KIF19: variants seen among roughly 807,000 people sequenced by gnomAD.
KIF19 encodes the protein kinesin-like protein KIF19.
KIF19 carries 98 observed loss-of-function variants against 106.6 expected under a neutral mutation model. The observed-to-expected ratio is 0.92, with a 90% CI of 0.78 to 1.09. The LOEUF (loss-of-function observed/expected upper bound fraction) is 1.09, where lower values mean the gene tolerates loss of function less well. Ranked by LOEUF, KIF19 falls within the 50% of genes least tolerant of loss-of-function variation. The pLI is 0.00. For synonymous variants in KIF19, 516 were observed against 584.2 expected (o/e 0.88, Z 1.68); for missense variants, 1,373 against 1,414.3 (o/e 0.97, Z 0.47).
At chr17:74,326,774 T>C (rs940257898) in intron 1 of KIF19, among the ~76,000 whole-genome samples, 4 of 152,116 alleles carry the variant, frequency 2.6e-5, no homozygotes, top group Admixed American at 2.6e-4. Flanking sequence ...CAGAGGCTGC[T>C]CCAGCCCTGG....
chr17:74,349,355 C>T lies in KIF19; in HGVS notation c.1213+6C>T. ...TGACATCCGCCACATCCAAGGTGCG[C>T]CTGTGGGTCTGTGTGAGTGGCAGCC... is the stretch of plus-strand genomic sequence containing the variant. On this transcript the variant is annotated splice_donor_region_variant and intron_variant, in intron 10 of 19. Transcript: ENST00000389916. 1 of 1,590,982 alleles carries T rather than the reference C, an allele frequency of 6.3e-7. No individual in the cohort carries two copies. Among genetic ancestry groups the T allele is most frequent in the Non-Finnish European group, 8.6e-7 (1 of 1,168,942 alleles).
At chr17:74,329,156 T>C (rs1398418507) in intron 2 of KIF19, 2 of 152,174 alleles carry the variant, frequency 1.3e-5, no homozygotes, top group Non-Finnish European at 1.5e-5. Context: ...GGATAAGACC[T>C]AAACCTGGAG....
At chr17:74,337,564 G>A (rs2054253507) in intron 2 of KIF19, among the ~76,000 whole-genome samples, 2 of 152,190 alleles carry the variant, frequency 1.3e-5, no homozygotes. Context: ...TCATGTAATA[G>A]TCCGAAATTC....
chr17:74,354,164 A>G lies in KIF19; in HGVS notation c.2311A>G (p.Arg771Gly), dbSNP rs756059201. 9 of 1,604,826 alleles carry G rather than the reference A, an allele frequency of 5.6e-6. No homozygotes were observed. The Admixed American group carries it at 1.4e-4, about 24-fold the overall frequency. ...LSEIPLSHKERKEILTGTKCI... is the reference protein window; with the variant it reads ...LSEIPLSHKEGKEILTGTKCI... ...ATGTTCCCCGTGTCCCGCTGCAGAG[A>G]GGAAGGAGATCCTGACTGGCACCAA... Residue 771 changes from arginine (R) to glycine (G), a missense_variant and splice_region_variant, in exon 18 of 20, where the codon AGG becomes GGG. Physicochemically the swap from Arg to Gly is moderately radical, Grantham distance 125. Transcript: ENST00000389916.
chr17:74,345,948 G>A (rs2054519328), intron 7 of KIF19, among the ~76,000 whole-genome samples: 1 of 152,162 alleles, frequency 6.6e-6, no homozygotes, highest in African/African-American at 2.4e-5. Context: ...TGCTCCTGCA[G>A]GCCCAAGAAA....
At position 74,355,631 on chromosome 17, in the gene KIF19, G is replaced by A. The variant is rs991691073; in HGVS notation, c.*319G>A. 1 of 223,754 alleles carries A rather than the reference G, an allele frequency of 4.5e-6. No homozygotes were observed. Among genetic ancestry groups the A allele is most frequent in the Admixed American group, 5.7e-5 (1 of 17,538 alleles). The allele number at this position is 223,754 out of a possible 1,614,324, so 13.9% of individuals were successfully genotyped here. A position where few individuals can be genotyped will look rare whatever the true frequency, so the allele number is the denominator to read the frequency against. On this transcript the variant is annotated 3_prime_UTR_variant, in exon 20 of 20. Transcript: ENST00000389916. ...TCGGCCTTGGTAACGGAGGAAAGCA[G>A]CTGACAGTGAGACGGGGCTCCTGGC...
intron 11 of KIF19, 34 bp from the exon 12 acceptor site, chr17:74,350,673 G>C: frequency 6.2e-7 from 1 of 1,612,650 alleles, no homozygotes; most frequent in Non-Finnish European, 8.5e-7. Flanking sequence ...CCCATGGCCT[G>C]AATGCCCTGT....
intron 3 of KIF19, 73 bp downstream of exon 3, chr17:74,342,059 C>G: frequency 3.1e-5 from 34 of 1,095,940 alleles, no homozygotes; most frequent in Middle Eastern, 2.2e-4. Context: ...GAGGGGCCCT[C>G]CAGGGCCCCT....
In KIF19 at chr17:74,331,701, C is replaced by T. The variant is rs1011514354; in HGVS notation, c.120+3196C>T. On this transcript the variant is annotated intron_variant, in intron 2 of 19. Transcript: ENST00000389916. This position sits in a 1 kb window ranked among gnomAD's most constrained non-coding sequence, Gnocchi z 4.1. ...AAGCGATTCTCCTGCCTCAGCCTCCCATGTAGCTGGGATTACGGGCGCGCG... is the reference window on the plus strand; with the variant it reads ...AAGCGATTCTCCTGCCTCAGCCTCCTATGTAGCTGGGATTACGGGCGCGCG... Among the ~76,000 whole-genome samples the T allele has an allele frequency of 3.3e-5, 5 of 152,030 alleles. No individual in the cohort carries two copies. Among genetic ancestry groups the T allele is most frequent in the African/African-American group, 9.7e-5 (4 of 41,376 alleles).
rs201349322 is a variant in KIF19 at position 74,350,658 on chromosome 17, C to G, written c.1389-49C>G. ...ACGACCTGTGGCTGTACAGTGTGCC[C>G]TGCCCCCATGGCCTGAATGCCCTGT... On this transcript the variant is annotated intron_variant, in intron 11 of 19. Coordinates refer to ENST00000389916, the MANE Select transcript of KIF19 (RefSeq NM_153209.4). The G allele has an allele frequency of 2.1e-4, 341 of 1,611,222 alleles. 1 individual carries two copies. The highest frequency in any genetic ancestry group is 2.7e-4 in the Non-Finnish European group (323 of 1,178,580).
At chr17:74,327,670 G>A (rs1382321465) in intron 1 of KIF19, among the ~76,000 whole-genome samples, 1 of 151,968 alleles carries the variant, frequency 6.6e-6, no homozygotes, top group African/African-American at 2.4e-5. Context: ...ACGGTGTTTC[G>A]CCGTGTTGGC....
In KIF19 at chr17:74,350,555, A is replaced by T. The variant is rs201980607; in HGVS notation, c.1368A>T (p.Arg456=). 3.1e-6 allele frequency: 5 copies of T among 1,612,936 alleles called. No homozygotes were observed. The East Asian group carries it at 1.1e-4, about 36-fold the overall frequency. ...TGGAGGTCCAGATTGACACCTCCCG[A>T]CACCTGCTCACCATCGCCGGGTAAG... The part of the protein sequence containing the change: ...RAMEVQIDTS[R]HLLTIAGWKH... Residue 456 remains arginine (R), a synonymous_variant, in exon 11 of 20, where the codon CGA becomes CGT. Coordinates refer to ENST00000389916, the MANE Select transcript of KIF19 (RefSeq NM_153209.4).
intron 2 of KIF19, among the ~76,000 whole-genome samples, chr17:74,334,101 A>T (rs1460048064): frequency 6.6e-6 from 1 of 152,148 alleles, no homozygotes; most frequent in Non-Finnish European, 1.5e-5. Flanking sequence ...CTGGGATTGC[A>T]GGTGTGAGCC....
rs1407093550 is a variant in KIF19, at chr17:74,343,170, C to G, written c.456+10C>G. The G allele has an allele frequency of 6.2e-7, 1 of 1,611,156 alleles. No individual in the cohort carries two copies. The highest frequency in any genetic ancestry group is 2.2e-5 in the East Asian group (1 of 44,868). On this transcript the variant is annotated intron_variant, in intron 5 of 19. Coordinates refer to ENST00000389916, the MANE Select transcript of KIF19 (RefSeq NM_153209.4). Reference sequence around the variant, plus strand: ...CATGTCCTACCTGGAGGTGAGTCCCCCAGCCTAGGCTCAGATGGGGCTGGC... The same window carrying G: ...CATGTCCTACCTGGAGGTGAGTCCCGCAGCCTAGGCTCAGATGGGGCTGGC...
At chr17:74,353,443 G>T in intron 16 of KIF19, 51 bp from the exon 17 acceptor site, 1 of 1,552,224 alleles carries the variant, frequency 6.4e-7, no homozygotes. Flanking sequence ...TGGGGCATGG[G>T]GTCCCTGCTG....
Position 74,350,706 on chromosome 17 carries a change from G to T in KIF19, c.1389-1G>T. 1 of 1,613,676 alleles carries T rather than the reference G, an allele frequency of 6.2e-7. No individual in the cohort carries two copies. Among genetic ancestry groups the T allele is most frequent in the Non-Finnish European group, 8.5e-7 (1 of 1,179,880 alleles). On this transcript the variant is annotated splice_acceptor_variant, in intron 11 of 19. Coordinates refer to ENST00000389916, the MANE Select transcript of KIF19 (RefSeq NM_153209.4). LOFTEE classifies it high-confidence loss of function. ...TGTCTCTCTGGGTGGGGCTGCGGCA[G>T]CTGGAAGCATGAGAAGTCCCGCCGG...
At chr17:74,353,999 G>A (rs2054798824) in intron 17 of KIF19, among the ~76,000 whole-genome samples, 163 bp from the exon 18 acceptor site, 1 of 152,260 alleles carries the variant, frequency 6.6e-6, no homozygotes, top group Non-Finnish European at 1.5e-5. Context: ...GCAGATGAAA[G>A]TGAGGCTCGG....
intron 19 of KIF19, 71 bp from the exon 20 acceptor site, chr17:74,355,111 C>T: frequency 6.5e-7 from 1 of 1,549,598 alleles, no homozygotes; most frequent in African/African-American, 1.4e-5. Context: ...GAGTTCAAGG[C>T]CACTGGGTGA....
chr17:74,327,026 A>C lies in KIF19; in HGVS notation c.39+638A>C, dbSNP rs539589730. On this transcript the variant is annotated intron_variant, in intron 1 of 19. Coordinates refer to ENST00000389916, the MANE Select transcript of KIF19 (RefSeq NM_153209.4). ...GGAGGGGAAGGTGGAATTCCTGATC[A>C]TCAGTGGTGCCTGGGCCAGAGCAAC... is the stretch of plus-strand genomic sequence containing the variant. Among the ~76,000 whole-genome samples, 3 of 152,284 alleles carry C rather than the reference A, an allele frequency of 2.0e-5. No homozygotes were observed. The East Asian group carries it at 5.8e-4, about 29-fold the overall frequency.
Sources: gnomAD v4.1 joint callset for allele counts (sites outside exome capture counted in the v4.1 genomes callset) on GRCh38, gnomAD v4.1.1 for gene constraint, Gnocchi (gnomAD v3.1) non-coding constraint, MANE v1.5 for transcripts, NCBI Gene and HGNC (gene_info 2026-07-23, HGNC 2026-07-21) for gene names.